Variants in RALYL observed in about 807,000 individuals in gnomAD.
The protein encoded by RALYL is RALY RNA binding protein like.
RALYL carries 29 observed loss-of-function variants against 35.1 expected under a neutral mutation model. The ratio of observed to expected loss-of-function variants is 0.83; its 90% confidence interval spans 0.61 to 1.13. RALYL has a LOEUF of 1.13. Among genes scored for constraint, RALYL ranks in the 50% most tolerant of loss-of-function variants. RALYL has a pLI of 0.00. For synonymous variants in RALYL, 120 were observed against 127.6 expected (o/e 0.94, Z 0.40); for missense variants, 359 against 360.4 (o/e 1.00, Z 0.03).
intron 1 of RALYL, among the ~76,000 whole-genome samples, chr8:84,426,434 C>CTGTGTG (rs1310031203): frequency 1.3e-3 from 81 of 64,734 alleles, no homozygotes; most frequent in East Asian, 2.7e-3. Flanking sequence ...TTCTCTCTCT[C>CTGTGTG]TCTCTGTGTG....
intron 2 of RALYL, among the ~76,000 whole-genome samples, chr8:84,738,197 G>A (rs539695952): frequency 1.3e-5 from 2 of 152,122 alleles, no homozygotes; most frequent in African/African-American, 4.8e-5. Flanking sequence ...GGAAAGGCTG[G>A]AGGAGGAGTG....
intron 8 of RALYL, among the ~76,000 whole-genome samples, chr8:84,919,160 C>A (rs1848932872): frequency 6.6e-6 from 1 of 151,974 alleles, no homozygotes; most frequent in African/African-American, 2.4e-5. Flanking sequence ...ACAGCTGCTA[C>A]AGTATTTTTA....
chr8:84,417,917 C>T (rs2044917175), intron 1 of RALYL, among the ~76,000 whole-genome samples: 1 of 152,250 alleles, frequency 6.6e-6, no homozygotes, highest in East Asian at 1.9e-4. Flanking sequence ...AATTTTGCTT[C>T]TCTATTTGGT....
intron 8 of RALYL, among the ~76,000 whole-genome samples, chr8:84,889,537 G>A (rs146453546): frequency 5.9e-5 from 9 of 152,150 alleles, no homozygotes; most frequent in African/African-American, 2.2e-4. Flanking sequence ...TTTGTCTTAG[G>A]CCATCTTCTC....
chr8:84,422,506 G>T (rs2045772162), intron 1 of RALYL, among the ~76,000 whole-genome samples: 1 of 79,198 alleles, frequency 1.3e-5, no homozygotes. Context: ...CCAGCTCCTG[G>T]ATTCATTGAT....
At chr8:84,331,625 A>T (rs2130710442) in intron 1 of RALYL, among the ~76,000 whole-genome samples, 1 of 152,248 alleles carries the variant, frequency 6.6e-6, no homozygotes, top group East Asian at 1.9e-4. Flanking sequence ...CTGAATTTAA[A>T]AACAAAAACT....
chr8:84,442,547 CAA>C (rs1428553752), intron 1 of RALYL, among the ~76,000 whole-genome samples: 1 of 152,038 alleles, frequency 6.6e-6, no homozygotes, highest in Non-Finnish European at 1.5e-5. Context: ...TGCTTACAGT[CAA>C]AGATGGGATA....
intron 2 of RALYL, among the ~76,000 whole-genome samples, chr8:84,570,895 A>G (rs986508948): frequency 1.3e-5 from 2 of 151,814 alleles, no homozygotes; most frequent in African/African-American, 4.8e-5. Context: ...ATTGATTTGC[A>G]TATGTTGAAC....
chr8:84,587,898 G>A (rs1407781736), intron 2 of RALYL, among the ~76,000 whole-genome samples: 2 of 152,054 alleles, frequency 1.3e-5, no homozygotes, highest in African/African-American at 2.4e-5. Context: ...AGCCTTCCTC[G>A]AGCACCTATA....
At chr8:84,484,412 G>A (rs1216377506) in intron 1 of RALYL, among the ~76,000 whole-genome samples, 2 of 151,998 alleles carry the variant, frequency 1.3e-5, no homozygotes, top group African/African-American at 4.8e-5. Context: ...AACCAGAGAG[G>A]CAATGTATAA....
At chr8:84,903,339 A>C (rs1268943418) in intron 8 of RALYL, among the ~76,000 whole-genome samples, 1 of 152,194 alleles carries the variant, frequency 6.6e-6, no homozygotes, top group Non-Finnish European at 1.5e-5. Flanking sequence ...TTTAAAGAGA[A>C]GGGTTTGTCA....
At chr8:84,767,930 T>G (rs540164906) in intron 2 of RALYL, among the ~76,000 whole-genome samples, 38 of 152,270 alleles carry the variant, frequency 2.5e-4, no homozygotes, top group African/African-American at 8.4e-4. Context: ...CCAAAAGCAT[T>G]TATTGGGAGT....
chr8:84,885,307 AT>A (rs904962680), intron 7 of RALYL, among the ~76,000 whole-genome samples: 2 of 151,984 alleles, frequency 1.3e-5, no homozygotes, highest in Non-Finnish European at 1.5e-5. Flanking sequence ...GATTAAACAG[AT>A]TTTTTTCTTT....
intron 1 of RALYL, among the ~76,000 whole-genome samples, chr8:84,210,098 A>G (rs373219501): frequency 2.6e-5 from 4 of 152,248 alleles, no homozygotes; most frequent in Admixed American, 1.3e-4. Context: ...TTGGATTGAC[A>G]GTACACAGCT....
At chr8:84,797,842 C>A (rs1218984206) in intron 3 of RALYL, among the ~76,000 whole-genome samples, 1 of 152,170 alleles carries the variant, frequency 6.6e-6, no homozygotes, top group African/African-American at 2.4e-5. Context: ...AGATAATCTT[C>A]TCTTCTTTAT....
At chr8:84,650,833 C>A (rs996083286) in intron 2 of RALYL, among the ~76,000 whole-genome samples, 1 of 151,916 alleles carries the variant, frequency 6.6e-6, no homozygotes, top group African/African-American at 2.4e-5. Flanking sequence ...AAATGTCCAA[C>A]AATGATAGAC....
intron 8 of RALYL, chr8:84,907,032 T>C: frequency 1.1e-6 from 1 of 916,106 alleles, no homozygotes; most frequent in Non-Finnish European, 1.3e-6. Context: ...AAGAATTCTT[T>C]TCACCTGGAA....
intron 2 of RALYL, among the ~76,000 whole-genome samples, chr8:84,615,407 A>T (rs1391124577): frequency 6.6e-6 from 1 of 151,358 alleles, no homozygotes; most frequent in African/African-American, 2.4e-5. Context: ...TATCAATGTC[A>T]GTATGTATTT....
intron 2 of RALYL, among the ~76,000 whole-genome samples, chr8:84,691,444 A>G (rs114110933): frequency 5.3e-5 from 8 of 152,208 alleles, no homozygotes; most frequent in African/African-American, 1.7e-4. Flanking sequence ...CTTTAATCAT[A>G]GTTTATTTTC....
Sources: allele counts gnomAD v4.1 joint callset (sites outside exome capture counted in the v4.1 genomes callset), GRCh38; gene constraint gnomAD v4.1.1; transcripts MANE v1.5; gene names NCBI Gene and HGNC (gene_info 2026-07-23, HGNC 2026-07-21).